SCN3A: variants seen among roughly 807,000 people sequenced by gnomAD.
The protein encoded by SCN3A is sodium voltage-gated channel alpha subunit 3, also known as sodium channel protein type 3 subunit alpha.
SCN3A carries 60 observed loss-of-function variants against 187.6 expected under a neutral mutation model. The observed-to-expected ratio is 0.32, with a 90% CI of 0.26 to 0.40. The LOEUF is 0.40. SCN3A is among the 10% of genes least tolerant of loss of function. The pLI, the probability that SCN3A is intolerant of heterozygous loss-of-function variation, is 1.00. For synonymous variants in SCN3A, 788 were observed against 829.2 expected, an observed-to-expected ratio of 0.95 and a Z score of 0.85; for missense variants, 1,601 against 2,428.2, an observed-to-expected ratio of 0.66 and a Z score of 7.16.
At chr2:165,127,607 C>G in intron 18 of SCN3A, 24 bp downstream of exon 18, 2 of 1,590,968 alleles carry the variant, frequency 1.3e-6, no homozygotes, top group Non-Finnish European at 1.7e-6. Flanking sequence ...GGAAATGGAA[C>G]AAAAAATTTA....
chr2:165,170,966 A>T (rs1310526543), intron 3 of SCN3A, among the ~76,000 whole-genome samples: 1 of 151,960 alleles, frequency 6.6e-6, no homozygotes, highest in Non-Finnish European at 1.5e-5. Context: ...AAAGTTTATG[A>T]TGGCTTCTGA....
intron 4 of SCN3A, 27 bp from the exon 5 acceptor site, chr2:165,168,852 T>A: frequency 6.6e-7 from 1 of 1,515,538 alleles, no homozygotes; most frequent in African/African-American, 1.4e-5. Context: ...GAATAAATGT[T>A]AGTAGGTTAC....
In SCN3A at chr2:165,088,720, T is replaced by C. The variant is rs1010640742; in HGVS notation, c.*1430A>G. 6.6e-6 allele frequency: 1 copy of C among 152,540 alleles called. No homozygotes were observed. Among genetic ancestry groups the C allele is most frequent in the African/African-American group, 2.4e-5 (1 of 41,458 alleles). 9.4% of individuals were successfully genotyped at this position (152,540 alleles called of 1,614,324 possible). A position where few individuals can be genotyped will look rare whatever the true frequency, so the allele number is the denominator to read the frequency against. The stretch of plus-strand genomic sequence containing the variant: ...AATTGTGATGTCATCAACCTGAAAA[T>C]AATTTTCTTATGTACAAAATGCTGA... On this transcript the variant is annotated 3_prime_UTR_variant, in exon 28 of 28. Coordinates refer to ENST00000283254, the MANE Select transcript of SCN3A (RefSeq NM_006922.4).
chr2:165,187,785 A>G (rs961894708), intron 1 of SCN3A, among the ~76,000 whole-genome samples: 1 of 152,148 alleles, frequency 6.6e-6, no homozygotes, highest in Non-Finnish European at 1.5e-5. Flanking sequence ...CTTACCTCTC[A>G]CCAAGTGGTA....
intron 1 of SCN3A, among the ~76,000 whole-genome samples, chr2:165,201,223 A>G (rs1692297420): frequency 6.6e-6 from 1 of 152,078 alleles, no homozygotes; most frequent in African/African-American, 2.4e-5. Context: ...TATGAGTTCT[A>G]TAAACTCTCC....
At chr2:165,162,240 T>G (rs1219471756) in intron 9 of SCN3A, 68 bp downstream of exon 9, 1 of 1,382,194 alleles carries the variant, frequency 7.2e-7, no homozygotes, top group Non-Finnish European at 1.0e-6. Context: ...ACCATGTAGT[T>G]GTTTTCCTAC....
chr2:165,173,996 A>G (rs1690283913), intron 3 of SCN3A, among the ~76,000 whole-genome samples: 1 of 152,214 alleles, frequency 6.6e-6, no homozygotes, highest in African/African-American at 2.4e-5. Flanking sequence ...TTTTAGTGGC[A>G]GACTCACATT....
chr2:165,164,030 A>C (rs2105894175), intron 6 of SCN3A: 1 of 823,268 alleles, frequency 1.2e-6, no homozygotes, highest in Middle Eastern at 2.4e-4. Context: ...CCATATGCTA[A>C]AGGTTGCTTT....
At chr2:165,131,199 T>TAAAAA (rs1687294209) in intron 16 of SCN3A, 45 bp downstream of exon 16, 5 of 1,289,352 alleles carry the variant, frequency 3.9e-6, no homozygotes, top group Non-Finnish European at 5.3e-6. Context: ...AATTTCAAAA[T>TAAAAA]AAATGTTGTG....
At chr2:165,195,245 C>A (rs923248753) in intron 1 of SCN3A, 5 of 152,204 alleles carry the variant, frequency 3.3e-5, no homozygotes, top group Admixed American at 1.3e-4. Flanking sequence ...TGAGGAGAAA[C>A]CTAAGAAGAG....
At position 165,090,449 on chromosome 2, in the gene SCN3A, C is replaced by T. The variant is rs1186732321; in HGVS notation, c.5704G>A (p.Val1902Met). 5.0e-6 allele frequency: 8 copies of T among 1,613,976 alleles called. No homozygotes were observed. Among genetic ancestry groups the T allele is most frequent in the African/African-American group, 1.3e-5 (1 of 75,024 alleles). ...TTACGCTGAATGATAGCGGCAGACACCTCCTCTTGTTTACGTTTCAAAGTG... is the reference window on the plus strand; with the variant it reads ...TTACGCTGAATGATAGCGGCAGACATCTCCTCTTGTTTACGTTTCAAAGTG... The part of the protein sequence containing the change: ...TTTLKRKQEE[V>M]SAAIIQRNFR... The change falls in exon 28 of 28, where the codon GTG becomes ATG. Residue 1902 changes from valine (V) to methionine (M), a missense_variant. By Grantham distance (21) the Val-to-Met change is conservative (BLOSUM62 1). This residue lies in a region of SCN3A where 110 missense variants were observed against 175.9 expected (regional missense o/e 0.63). Coordinates refer to ENST00000283254, the MANE Select transcript of SCN3A (RefSeq NM_006922.4). The surrounding 1 kb of genome is among the most constrained non-coding windows in gnomAD (Gnocchi z 4.0).
intron 26 of SCN3A, chr2:165,093,062 CAA>C (rs924405895): frequency 1.3e-5 from 2 of 152,576 alleles, no homozygotes; most frequent in Admixed American, 1.3e-4. Context: ...AAAAACAAAA[CAA>C]AAACAAACAC....
intron 17 of SCN3A, 135 bp from the exon 18 acceptor site, chr2:165,128,236 G>T: frequency 1.4e-6 from 1 of 739,520 alleles, no homozygotes; most frequent in Non-Finnish European, 2.2e-6. Context: ...TATTTCAGAT[G>T]CCATGTCTAA....
intron 18 of SCN3A, among the ~76,000 whole-genome samples, chr2:165,126,816 A>T (rs1050979662): frequency 3.3e-5 from 5 of 152,184 alleles, no homozygotes; most frequent in Admixed American, 2.0e-4. Context: ...AGATCTGCTC[A>T]TCCTTGACTG....
chr2:165,148,358 G>A (rs190429815), intron 11 of SCN3A, among the ~76,000 whole-genome samples: 8 of 151,994 alleles, frequency 5.3e-5, no homozygotes, highest in African/African-American at 1.7e-4. Context: ...ATAAAAGACT[G>A]TCATAACAGT....
At position 165,202,041 on chromosome 2, in the gene SCN3A, T is replaced by G. The variant is rs556336981; in HGVS notation, c.-248+1782A>C. On this transcript the variant is annotated intron_variant, in intron 1 of 27. Transcript: ENST00000283254. Reference sequence around the variant, plus strand: ...GATCCCAAGACTTTCAGCTCAGGGTTCAACCTTTTTATCTTCAGTACTCAA... The same window carrying G: ...GATCCCAAGACTTTCAGCTCAGGGTGCAACCTTTTTATCTTCAGTACTCAA... Among the ~76,000 whole-genome samples the G allele has an allele frequency of 3.3e-5, 5 of 152,182 alleles. No individual in the cohort carries two copies. In the East Asian group the frequency reaches 9.7e-4, roughly 30 times the overall value.
At chr2:165,162,229 A>G in intron 9 of SCN3A, 79 bp downstream of exon 9, 1 of 1,263,314 alleles carries the variant, frequency 7.9e-7, no homozygotes, top group Non-Finnish European at 1.1e-6. Context: ...CTACACATAT[A>G]ACCATGTAGT....
chr2:165,151,023 G>C (rs1688656420), intron 11 of SCN3A, among the ~76,000 whole-genome samples: 1 of 151,942 alleles, frequency 6.6e-6, no homozygotes, highest in South Asian at 2.1e-4. Flanking sequence ...GCAAGCATGA[G>C]GTATATTTTA....
chr2:165,168,601 C>T, intron 5 of SCN3A, 135 bp downstream of exon 5: 1 of 717,030 alleles, frequency 1.4e-6, no homozygotes, highest in Non-Finnish European at 2.5e-6. Context: ...AAGAACTTCC[C>T]TTATCTTCTT....
Sources: gnomAD v4.1 joint callset for allele counts (sites outside exome capture counted in the v4.1 genomes callset) on GRCh38, gnomAD v4.1.1 for gene constraint, gnomAD v4.1.1 regional missense constraint, Gnocchi (gnomAD v3.1) non-coding constraint, MANE v1.5 for transcripts, NCBI Gene and HGNC (gene_info 2026-07-23, HGNC 2026-07-21) for gene names.